Variants in EFNA5 observed in about 807,000 individuals in gnomAD.
EFNA5 encodes ephrin-A5.
Under a neutral mutation model 22.9 loss-of-function variants are expected in EFNA5, and 5 were observed. That is an observed-to-expected ratio of 0.22 (90% CI 0.11 to 0.46). The LOEUF (loss-of-function observed/expected upper bound fraction) is 0.46. EFNA5 is among the 20% of genes least tolerant of loss of function. The pLI is 0.99. For synonymous variants in EFNA5, 113 were observed against 112.2 expected, an observed-to-expected ratio of 1.01 and a Z score of -0.04; for missense variants, 237 against 293.3, an observed-to-expected ratio of 0.81 and a Z score of 1.40.
chr5:107,477,129 C>T (rs1366562041), intron 1 of EFNA5, among the ~76,000 whole-genome samples: 1 of 151,964 alleles, frequency 6.6e-6, no homozygotes. Flanking sequence ...AAAAGAGAAA[C>T]ATCACACAGT....
chr5:107,653,447 A>C (rs1459994517), intron 1 of EFNA5, among the ~76,000 whole-genome samples: 1 of 152,088 alleles, frequency 6.6e-6, no homozygotes, highest in Non-Finnish European at 1.5e-5. Context: ...TAACACATGC[A>C]TACTTGAGCC....
rs186638649 is a variant in EFNA5, at chr5:107,589,040, A to T, written c.125+81449T>A. Among the ~76,000 whole-genome samples, 4 of 152,320 alleles carry T rather than the reference A, an allele frequency of 2.6e-5. No individual in the cohort carries two copies. In the East Asian group the frequency reaches 7.7e-4, roughly 29 times the overall value. On this transcript the variant is annotated intron_variant, in intron 1 of 4. Coordinates refer to ENST00000333274, the MANE Select transcript of EFNA5 (RefSeq NM_001962.3). ...CTGCCATTATTGACAGTTTAAGCCA[A>T]GCCCCTACCTGCTATGTGGCAGTAT...
chr5:107,580,639 C>T (rs538141532), intron 1 of EFNA5, among the ~76,000 whole-genome samples: 4 of 145,386 alleles, frequency 2.8e-5, no homozygotes, highest in East Asian at 2.1e-4. Flanking sequence ...AGGAGAATGG[C>T]GTGAACTCGG....
chr5:107,442,405 A>G (rs1184478243), intron 1 of EFNA5, among the ~76,000 whole-genome samples: 2 of 152,166 alleles, frequency 1.3e-5, no homozygotes, highest in Non-Finnish European at 2.9e-5. Flanking sequence ...ATGTCATTCA[A>G]AATTCAGTAC....
chr5:107,641,593 A>G (rs1198212501), intron 1 of EFNA5, among the ~76,000 whole-genome samples: 2 of 152,232 alleles, frequency 1.3e-5, no homozygotes, highest in Admixed American at 6.5e-5. Context: ...TAGGAAGTTT[A>G]TTAATACATC....
At position 107,653,138 on chromosome 5, in the gene EFNA5, T is replaced by A. The variant is rs932370675; in HGVS notation, c.125+17351A>T. On this transcript the variant is annotated intron_variant, in intron 1 of 4. Transcript: ENST00000333274. ...GAATCTGAGGGTTTACCCTTTTACT[T>A]TCTTCCAAGTTCACCAAAATGCTGC... Among the ~76,000 whole-genome samples the A allele has an allele frequency of 7.2e-5, 11 of 152,158 alleles. 1 individual carries two copies. Among genetic ancestry groups the A allele is most frequent in the Admixed American group, 3.3e-4 (5 of 15,282 alleles).
At chr5:107,631,771 A>C (rs757761848) in intron 1 of EFNA5, among the ~76,000 whole-genome samples, 21 of 152,220 alleles carry the variant, frequency 1.4e-4, no homozygotes, top group Non-Finnish European at 2.5e-4. Context: ...GGGGGAAATA[A>C]AGTTATCAGA....
At chr5:107,381,782 A>T (rs1747469787) in intron 4 of EFNA5, among the ~76,000 whole-genome samples, 1 of 152,210 alleles carries the variant, frequency 6.6e-6, no homozygotes, top group South Asian at 2.1e-4. Context: ...ATGTTGGCAC[A>T]GTAGTGGTTA....
chr5:107,572,425 A>T (rs939393197), intron 1 of EFNA5, among the ~76,000 whole-genome samples: 3 of 152,152 alleles, frequency 2.0e-5, no homozygotes, highest in African/African-American at 7.2e-5. Context: ...GAAAAGAATG[A>T]ATACAAACCT....
At chr5:107,478,884 C>T (rs1445627040) in intron 1 of EFNA5, among the ~76,000 whole-genome samples, 2 of 152,090 alleles carry the variant, frequency 1.3e-5, no homozygotes, top group Non-Finnish European at 2.9e-5. Flanking sequence ...AGTTTTTATA[C>T]TTCTCTAAGC....
intron 2 of EFNA5, among the ~76,000 whole-genome samples, chr5:107,401,590 C>A (rs532442124): frequency 3.3e-4 from 51 of 152,328 alleles, no homozygotes; most frequent in African/African-American, 1.2e-3. Flanking sequence ...AATTACAAAT[C>A]TTCTGTGGTT....
chr5:107,573,022 C>T (rs1490436258), intron 1 of EFNA5, among the ~76,000 whole-genome samples: 1 of 152,154 alleles, frequency 6.6e-6, no homozygotes, highest in Non-Finnish European at 1.5e-5. Flanking sequence ...AGGCGCCATC[C>T]GTTAAGACAA....
chr5:107,386,118 T>G (rs1281570055), intron 4 of EFNA5, among the ~76,000 whole-genome samples: 1 of 141,928 alleles, frequency 7.0e-6, no homozygotes, highest in African/African-American at 2.7e-5. Context: ...TGTCCGTTAG[T>G]TTCTAGGACC....
chr5:107,597,846 G>T (rs983047110), intron 1 of EFNA5, among the ~76,000 whole-genome samples: 2 of 152,148 alleles, frequency 1.3e-5, no homozygotes, highest in Non-Finnish European at 2.9e-5. Flanking sequence ...TTCAGCTGCT[G>T]ATAATGCGCT....
chr5:107,417,915 A>C (rs1246255519), intron 2 of EFNA5, among the ~76,000 whole-genome samples: 1 of 152,222 alleles, frequency 6.6e-6, no homozygotes, highest in Admixed American at 6.5e-5. Flanking sequence ...GATGAGTGGG[A>C]AAGTCTGTAG....
At chr5:107,553,905 C>G (rs868787989) in intron 1 of EFNA5, among the ~76,000 whole-genome samples, 10 of 152,242 alleles carry the variant, frequency 6.6e-5, no homozygotes, top group African/African-American at 2.2e-4. Context: ...AAAAAAAAGA[C>G]AACCCCACAC....
At chr5:107,390,258 G>A (rs1450540051) in intron 2 of EFNA5, among the ~76,000 whole-genome samples, 1 of 152,130 alleles carries the variant, frequency 6.6e-6, no homozygotes, top group Non-Finnish European at 1.5e-5. Context: ...TTAAAGTGTG[G>A]CTTTCCTCTA....
At chr5:107,480,158 G>T (rs941560801) in intron 1 of EFNA5, among the ~76,000 whole-genome samples, 3 of 152,012 alleles carry the variant, frequency 2.0e-5, no homozygotes, top group Non-Finnish European at 4.4e-5. Flanking sequence ...TATTCACAAA[G>T]CTCTAGTTAA....
chr5:107,605,761 C>G (rs1162914594), intron 1 of EFNA5, among the ~76,000 whole-genome samples: 3 of 152,134 alleles, frequency 2.0e-5, no homozygotes, highest in Non-Finnish European at 2.9e-5. Context: ...TTACAAGAAC[C>G]TCCCTTTTCC....
Sources: gnomAD v4.1 joint callset for allele counts (sites outside exome capture counted in the v4.1 genomes callset) on GRCh38, gnomAD v4.1.1 for gene constraint, MANE v1.5 for transcripts, NCBI Gene and HGNC (gene_info 2026-07-23, HGNC 2026-07-21) for gene names.